RNF6: variants seen among roughly 807,000 people sequenced by gnomAD.
The protein encoded by RNF6 is ring finger protein 6, also known as E3 ubiquitin-protein ligase RNF6.
RNF6 carries 21 observed loss-of-function variants against 50.1 expected under a neutral mutation model. The observed-to-expected ratio is 0.42, with a 90% CI of 0.30 to 0.60. The LOEUF (loss-of-function observed/expected upper bound fraction) is 0.60. RNF6 is among the 20% of genes least tolerant of loss of function. RNF6 has a pLI of 0.20. For synonymous variants in RNF6, 255 were observed against 291.8 expected, an observed-to-expected ratio of 0.87 and a Z score of 1.29; for missense variants, 698 against 838.2, an observed-to-expected ratio of 0.83 and a Z score of 2.07.
At position 26,150,025 on chromosome 13, in the gene RNF6, T is replaced by C. The variant is rs1393669231; in HGVS notation, n.769-17574A>G. ...AGTGTATATATAATGTGTATATATATATACACAGTGTATATATAATGTGTA... is the reference window on the plus strand; with the variant it reads ...AGTGTATATATAATGTGTATATATACATACACAGTGTATATATAATGTGTA... On this transcript the variant is annotated intron_variant and non_coding_transcript_variant, in intron 5 of 5. Transcript: ENST00000468480. Among the ~76,000 whole-genome samples the C allele has an allele frequency of 9.3e-4, 98 of 104,986 alleles. 2 individuals carry two copies. Among genetic ancestry groups the C allele is most frequent in the African/African-American group, 3.2e-3 (87 of 27,170 alleles). 68.9% of individuals were successfully genotyped at this position (104,986 alleles called of 152,430 possible).
intron 5 of RNF6, among the ~76,000 whole-genome samples, chr13:26,163,311 C>CA (rs558036974): frequency 0.056 from 7,812 of 138,612 alleles, 229 homozygotes; most frequent in African/African-American, 0.083. Context: ...GACTCCGTCT[C>CA]AAAAAAAAAA....
chr13:26,190,282 A>G (rs11839733), intron 5 of RNF6, among the ~76,000 whole-genome samples: 6 of 152,084 alleles, frequency 3.9e-5, no homozygotes, highest in Admixed American at 6.6e-5. Context: ...TCATCTCCCT[A>G]TTTTAAGATT....
At chr13:26,198,162 G>A (rs1467089460) in intron 5 of RNF6, among the ~76,000 whole-genome samples, 2 of 151,502 alleles carry the variant, frequency 1.3e-5, no homozygotes, top group African/African-American at 4.9e-5. Context: ...ATATATATAT[G>A]AGAGAGAAAT....
At chr13:26,132,931 T>A (rs1239397712) in intron 5 of RNF6, among the ~76,000 whole-genome samples, 1 of 151,618 alleles carries the variant, frequency 6.6e-6, no homozygotes, top group African/African-American at 2.4e-5. Flanking sequence ...CGGTGGGGGG[T>A]GCCAGAATTT....
chr13:26,160,093 GA>G (rs994357768), intron 5 of RNF6, among the ~76,000 whole-genome samples: 22 of 151,014 alleles, frequency 1.5e-4, no homozygotes, highest in African/African-American at 2.9e-4. Context: ...TGCCCCTCTA[GA>G]AAAAAAAATT....
At chr13:26,222,673 T>C (rs909802732), upstream of RNF6, 4 of 152,330 alleles carry the variant, frequency 2.6e-5, no homozygotes, top group Non-Finnish European at 5.9e-5. Flanking sequence ...TATCTCTATT[T>C]GAGACAAGGT....
intron 5 of RNF6, among the ~76,000 whole-genome samples, chr13:26,132,799 T>C (rs1870458931): frequency 6.6e-6 from 1 of 152,236 alleles, no homozygotes; most frequent in African/African-American, 2.4e-5. Flanking sequence ...GATCACACTT[T>C]GAGTAGCAAG....
chr13:26,169,275 G>C (rs951674888), intron 5 of RNF6, among the ~76,000 whole-genome samples: 3 of 152,170 alleles, frequency 2.0e-5, no homozygotes, highest in Non-Finnish European at 4.4e-5. Context: ...TGAGAAAGAA[G>C]CCAGGCTTGG....
At chr13:26,174,450 A>C (rs1317728277) in intron 5 of RNF6, among the ~76,000 whole-genome samples, 1 of 151,896 alleles carries the variant, frequency 6.6e-6, no homozygotes, top group African/African-American at 2.4e-5. Flanking sequence ...CAGGAGTTCG[A>C]GACCAGCCTG....
At chr13:26,171,694 T>C (rs11619338) in intron 5 of RNF6, among the ~76,000 whole-genome samples, 117,781 of 152,114 alleles carry the variant, frequency 0.77, 46,045 homozygotes, top group Non-Finnish European at 0.84. Context: ...AAAAATACAA[T>C]GAGATATGAT....
intron 5 of RNF6, chr13:26,144,731 A>G (rs954573354): frequency 6.6e-6 from 1 of 152,194 alleles, no homozygotes; most frequent in African/African-American, 2.4e-5. Flanking sequence ...TTCTCTGTCA[A>G]CTGATCATAG....
chr13:26,186,082 G>C (rs1343476543), intron 5 of RNF6, among the ~76,000 whole-genome samples: 1 of 152,206 alleles, frequency 6.6e-6, no homozygotes. Context: ...AGGGAAGCCA[G>C]TCAGACGATT....
At chr13:26,169,252 G>A (rs117066315) in intron 5 of RNF6, among the ~76,000 whole-genome samples, 4,477 of 152,250 alleles carry the variant, frequency 0.029, 89 homozygotes, top group Non-Finnish European at 0.045. Flanking sequence ...TCAGGGAGCC[G>A]TGGAGACTAG....
chr13:26,146,198 T>C (rs965237548), intron 5 of RNF6, among the ~76,000 whole-genome samples: 1 of 152,206 alleles, frequency 6.6e-6, no homozygotes, highest in East Asian at 1.9e-4. Context: ...GTTAACAGTA[T>C]GAATTTTTGG....
Position 26,214,935 on chromosome 13 carries a change from T to C in RNF6, c.947A>G (p.Gln316Arg). ...TSNSRSRSPIQRQSGTVYHNS... is the reference protein window; with the variant it reads ...TSNSRSRSPIRRQSGTVYHNS... ...ATGATAAACAGTGCCACTCTGTCTC[T>C]GAATTGGTGAACGGCTTCGACTATT... Residue 316 changes from glutamine (Q) to arginine (R), a missense_variant, in exon 5 of 5, where the codon CAG becomes CGG. Physicochemically the swap from Gln to Arg is conservative, Grantham distance 43. Coordinates refer to ENST00000381588, the MANE Select transcript of RNF6 (RefSeq NM_005977.4). The C allele has an allele frequency of 6.2e-7, 1 of 1,614,260 alleles. No individual in the cohort carries two copies. The highest frequency in any genetic ancestry group is 8.5e-7 in the Non-Finnish European group (1 of 1,180,048).
chr13:26,214,160 T>A lies in RNF6; in HGVS notation c.1722A>T (p.Pro574=). 6.2e-7 allele frequency: 1 copy of A among 1,614,234 alleles called. No individual in the cohort carries two copies. Residue 574 remains proline (P), a synonymous_variant, in exon 5 of 5, where the codon CCA becomes CCT. Coordinates refer to ENST00000381588, the MANE Select transcript of RNF6 (RefSeq NM_005977.4). ...GTGTTCCAGTTTCAACTAAATTGTT[T>A]GGATTTCGCAACTGCCTGCCACCCC... ...DSRGGRQLRN[P]NNLVETGTLP...
At chr13:26,156,350 A>C (rs1871925280) in intron 5 of RNF6, among the ~76,000 whole-genome samples, 1 of 152,222 alleles carries the variant, frequency 6.6e-6, no homozygotes, top group Non-Finnish European at 1.5e-5. Flanking sequence ...CGCATCAGTT[A>C]ATACATTGCT....
chr13:26,146,786 A>G (rs1473078468), intron 5 of RNF6, among the ~76,000 whole-genome samples: 1 of 152,146 alleles, frequency 6.6e-6, no homozygotes, highest in South Asian at 2.1e-4. Flanking sequence ...TGGACCTGAT[A>G]TGGTTTGGCT....
In RNF6 at chr13:26,213,827, C is replaced by G. The variant is rs151017206; in HGVS notation, c.2055G>C (p.Gly685=). ...PVLGSNIANN[G] ...TATTTGAGTAGATCCCATCACCTTA[C>G]CCATTGTTTGCTATGTTAGACCCTA... The change falls in exon 5 of 5, where the codon GGG becomes GGC. Residue 685 remains glycine, a synonymous_variant. Transcript: ENST00000381588. 109 of 1,600,896 alleles carry G rather than the reference C, an allele frequency of 6.8e-5. No homozygotes were observed. Among genetic ancestry groups the G allele is most frequent in the Non-Finnish European group, 9.0e-5 (106 of 1,172,002 alleles).
Sources: allele counts gnomAD v4.1 joint callset (sites outside exome capture counted in the v4.1 genomes callset), GRCh38; gene constraint gnomAD v4.1.1; transcripts MANE v1.5; gene names NCBI Gene and HGNC (gene_info 2026-07-23, HGNC 2026-07-21).